RYR2: variants seen among roughly 807,000 people sequenced by gnomAD.
RYR2 encodes the protein cardiac muscle ryanodine receptor-calcium release channel.
A neutral mutation model predicts 601.1 loss-of-function variants in RYR2; 227 were observed. The observed-to-expected ratio is 0.38, with a 90% CI of 0.34 to 0.42. The LOEUF (loss-of-function observed/expected upper bound fraction) is 0.42, where lower values mean the gene tolerates loss of function less well. Ranked by LOEUF, RYR2 falls within the 10% of genes least tolerant of loss-of-function variation. RYR2 has a pLI of 1.00. For synonymous variants in RYR2, 2,223 were observed against 2,175.1 expected, an observed-to-expected ratio of 1.02 and a Z score of -0.61; for missense variants, 4,646 against 6,156.5, an observed-to-expected ratio of 0.75 and a Z score of 8.21.
chr1:237,671,916 C>T (rs994039415), intron 58 of RYR2, among the ~76,000 whole-genome samples: 3 of 151,478 alleles, frequency 2.0e-5, no homozygotes, highest in African/African-American at 7.3e-5. Flanking sequence ...ACAGACAGCC[C>T]ACTGCTGTCA....
intron 38 of RYR2, among the ~76,000 whole-genome samples, chr1:237,618,072 G>A (rs191001855): frequency 2.6e-3 from 397 of 152,232 alleles, no homozygotes; most frequent in African/African-American, 9.0e-3. Flanking sequence ...CTGGCGTAGG[G>A]ATGGTGTTAA....
intron 38 of RYR2, among the ~76,000 whole-genome samples, chr1:237,621,866 C>A (rs1573167748): frequency 6.6e-6 from 1 of 152,122 alleles, no homozygotes; most frequent in African/African-American, 2.4e-5. Flanking sequence ...TTGTGGTTGC[C>A]ACGACTTAAG....
chr1:237,505,736 G>A (rs549524904), intron 22 of RYR2, among the ~76,000 whole-genome samples: 3 of 152,300 alleles, frequency 2.0e-5, no homozygotes, highest in Admixed American at 6.5e-5. Context: ...ATGCCACCTC[G>A]TCGTTGGGCA....
Position 237,456,649 on chromosome 1 carries a change from G to A in RYR2, c.1526G>A (p.Ser509Asn), listed in dbSNP as rs1558850631. Residue 509 changes from serine to asparagine, a missense_variant, in exon 16 of 105, where the codon AGC becomes AAC. Physicochemically the swap from Ser to Asn is conservative, Grantham distance 46. Coordinates refer to ENST00000366574, the MANE Select transcript of RYR2 (RefSeq NM_001035.3). Reference protein sequence around the residue: ...LECIDRLHVYSSAAHFADVAG... With the variant: ...LECIDRLHVYNSAAHFADVAG... Reference sequence around the variant, plus strand: ...TGCATAGACCGTTTGCACGTCTACAGCAGTGCAGCACACTTTGCTGATGTT... The same window carrying A: ...TGCATAGACCGTTTGCACGTCTACAACAGTGCAGCACACTTTGCTGATGTT... The A allele has an allele frequency of 7.4e-6, 12 of 1,612,114 alleles. No individual in the cohort carries two copies. The highest frequency in any genetic ancestry group is 1.0e-5 in the Non-Finnish European group (12 of 1,178,952).
intron 1 of RYR2, among the ~76,000 whole-genome samples, chr1:237,111,802 C>T (rs950662411): frequency 7.2e-5 from 11 of 152,166 alleles, no homozygotes; most frequent in African/African-American, 2.7e-4. Flanking sequence ...GGCTCCTGCC[C>T]TGATTCTGCT....
chr1:237,245,616 AC>A (rs1179965426), intron 1 of RYR2, among the ~76,000 whole-genome samples: 1 of 152,208 alleles, frequency 6.6e-6, no homozygotes, highest in Non-Finnish European at 1.5e-5. Context: ...GAAAGACTCA[AC>A]AAAGATAATG....
intron 1 of RYR2, among the ~76,000 whole-genome samples, chr1:237,246,138 C>T (rs572879407): frequency 2.8e-4 from 42 of 151,780 alleles, no homozygotes; most frequent in African/African-American, 8.5e-4. Context: ...CTCTTTCGCC[C>T]GAGCTGGAGT....
At chr1:237,787,840 C>T (rs1657838399) in intron 91 of RYR2, 148 bp from the exon 92 acceptor site, 4 of 737,664 alleles carry the variant, frequency 5.4e-6, no homozygotes, top group Admixed American at 2.9e-5. Context: ...TTCTAAAATT[C>T]AGAATATTAT....
intron 12 of RYR2, among the ~76,000 whole-genome samples, chr1:237,438,161 G>A (rs1174089668): frequency 1.3e-5 from 2 of 151,632 alleles, no homozygotes; most frequent in African/African-American, 4.8e-5. Context: ...ATTTATTTTT[G>A]TGATGTATAA....
intron 17 of RYR2, among the ~76,000 whole-genome samples, chr1:237,486,569 T>C (rs1662710842): frequency 6.6e-6 from 1 of 152,178 alleles, no homozygotes; most frequent in African/African-American, 2.4e-5. Flanking sequence ...TTATATACTG[T>C]AGAGAGGAAA....
chr1:237,696,697 T>C (rs1687478476), intron 63 of RYR2, among the ~76,000 whole-genome samples: 1 of 151,328 alleles, frequency 6.6e-6, no homozygotes. Flanking sequence ...TCGTTCTCTT[T>C]CTACACCATT....
chr1:237,108,121 C>T (rs1466383600), intron 1 of RYR2, among the ~76,000 whole-genome samples: 5 of 152,114 alleles, frequency 3.3e-5, no homozygotes, highest in Admixed American at 6.6e-5. Flanking sequence ...CTAGAATATT[C>T]TTTAGGGTAG....
In RYR2 at chr1:237,129,924, C is replaced by A. The variant is rs1339034594; in HGVS notation, c.48+87355C>A. Among the ~76,000 whole-genome samples, 3 of 151,880 alleles carry A rather than the reference C, an allele frequency of 2.0e-5. No homozygotes were observed. The East Asian group carries it at 5.8e-4, about 29-fold the overall frequency. ...AAATGACTAGTACAATGGTGGTTTC[C>A]AGGAGCTTGGCTGGGGTTAGGGAGG... On this transcript the variant is annotated intron_variant, in intron 1 of 104. Transcript: ENST00000366574.
chr1:237,571,473 C>A (rs963362597), intron 29 of RYR2, among the ~76,000 whole-genome samples: 2 of 152,166 alleles, frequency 1.3e-5, no homozygotes, highest in African/African-American at 4.8e-5. Flanking sequence ...TGCCAACACG[C>A]CTCGCTAATT....
chr1:237,306,414 A>G (rs1352175723), intron 2 of RYR2, among the ~76,000 whole-genome samples: 1 of 152,232 alleles, frequency 6.6e-6, no homozygotes, highest in African/African-American at 2.4e-5. Context: ...TCGTGTATGC[A>G]GTCTATGGAC....
intron 24 of RYR2, among the ~76,000 whole-genome samples, chr1:237,527,728 T>C (rs17636387): frequency 0.019 from 2,863 of 152,334 alleles, 28 homozygotes; most frequent in Non-Finnish European, 0.023. Context: ...CTTTTTAAAA[T>C]GTGGAACCCT....
intron 17 of RYR2, among the ~76,000 whole-genome samples, chr1:237,473,162 A>G (rs1167619353): frequency 6.6e-6 from 1 of 152,040 alleles, no homozygotes; most frequent in Non-Finnish European, 1.5e-5. Flanking sequence ...GGTGGCTCAC[A>G]CCTGTAATCC....
chr1:237,298,254 G>A (rs750984162), intron 2 of RYR2, among the ~76,000 whole-genome samples: 16 of 152,068 alleles, frequency 1.1e-4, no homozygotes, highest in Non-Finnish European at 2.1e-4. Flanking sequence ...CTTGGTGCTG[G>A]CATAGGAAGA....
At position 237,106,943 on chromosome 1, in the gene RYR2, G is replaced by GC. The variant is rs1464701969; in HGVS notation, c.48+64376dup. ...ACCTCCCAAGGCCCCGCCTCCTAATGCCATTACATTTGGGGTTAAGATTTT... is the reference window on the plus strand; with the variant it reads ...ACCTCCCAAGGCCCCGCCTCCTAATGCCCATTACATTTGGGGTTAAGATTTT... On this transcript the variant is annotated intron_variant, in intron 1 of 104. Transcript: ENST00000366574. The surrounding 1 kb of genome is among the most constrained non-coding windows in gnomAD (Gnocchi z 4.4). 1.3e-5 allele frequency among the ~76,000 whole-genome samples: 2 copies of GC among 152,124 alleles called. No individual in the cohort carries two copies. The highest frequency in any genetic ancestry group is 2.9e-5 in the Non-Finnish European group (2 of 68,030).
Sources: gnomAD v4.1 joint callset for allele counts (sites outside exome capture counted in the v4.1 genomes callset) on GRCh38, gnomAD v4.1.1 for gene constraint, Gnocchi (gnomAD v3.1) non-coding constraint, MANE v1.5 for transcripts, NCBI Gene and HGNC (gene_info 2026-07-23, HGNC 2026-07-21) for gene names.